Variants in GATAD1 observed in about 807,000 individuals in gnomAD.
The protein encoded by GATAD1 is GATA zinc finger domain containing 1.
GATAD1 carries 12 observed loss-of-function variants against 26.5 expected under a neutral mutation model. The observed-to-expected ratio is 0.45, with a 90% confidence interval of 0.29 to 0.73. GATAD1 has a LOEUF of 0.73. GATAD1 is among the 30% of genes least tolerant of loss of function. The probability of loss-of-function intolerance (pLI) is 0.10; values close to 1 mark genes in which losing one functional copy is unlikely to be tolerated. For missense variants in GATAD1, 266 were observed against 342.1 expected, an observed-to-expected ratio of 0.78 and a Z score of 1.75; for synonymous variants, 129 against 133.1, an observed-to-expected ratio of 0.97 and a Z score of 0.21.
At chr7:92,492,843 C>G in the GATAD1 span, 2 of 836,246 alleles carry the variant, frequency 2.4e-6, no homozygotes, top group South Asian at 2.7e-5. Flanking sequence ...TGTTTCTATA[C>G]AGTTTTACCA....
At chr7:92,474,312 C>G in the GATAD1 span, among the ~76,000 whole-genome samples, 2 of 152,178 alleles carry the variant, frequency 1.3e-5, no homozygotes, top group African/African-American at 4.8e-5. Flanking sequence ...TAAACTTACG[C>G]TTTAAGATTA....
chr7:92,449,286 G>A (rs947634812), intron 2 of GATAD1: 11 of 775,108 alleles, frequency 1.4e-5, no homozygotes, highest in Non-Finnish European at 1.7e-5. Flanking sequence ...CTCATCATTT[G>A]CATATTTATT....
Position 92,454,681 on chromosome 7 carries a change from C to A in GATAD1, c.615C>A (p.Ile205=). The change falls in exon 4 of 5, where the codon ATC becomes ATA. Residue 205 remains isoleucine (I), a synonymous_variant. Transcript: ENST00000287957. ...PRDQFDPASY[I]IGPEEDLPRK... is the part of the protein sequence containing the mutation. ...ACCAATTTGATCCCGCCTCCTATAT[C>A]ATAGGTAAGTTTGACAAATGGCACA... The A allele has an allele frequency of 6.3e-7, 1 of 1,575,720 alleles. No individual in the cohort carries two copies. Among genetic ancestry groups the A allele is most frequent in the Non-Finnish European group, 8.6e-7 (1 of 1,164,314 alleles).
chr7:92,458,550 G>A lies in GATAD1; in HGVS notation c.*1988G>A, dbSNP rs1265747110. On this transcript the variant is annotated 3_prime_UTR_variant, in exon 5 of 5. Coordinates refer to ENST00000287957, the MANE Select transcript of GATAD1 (RefSeq NM_021167.5). ...ACACGTAAAATGGGAGAGGAGTGGG[G>A]TGTACTCACTTGCCTCCTCTTTTGT... 1 of 152,184 alleles carries A rather than the reference G, an allele frequency of 6.6e-6. No homozygotes were observed. The highest frequency in any genetic ancestry group is 2.4e-5 in the African/African-American group (1 of 41,446). The allele number at this position is 152,184 out of a possible 1,614,324, so 9.4% of individuals were successfully genotyped here. A position where few individuals can be genotyped will look rare whatever the true frequency, so the allele number is the denominator to read the frequency against.
At chr7:92,484,191 AAAT>A in the GATAD1 span, among the ~76,000 whole-genome samples, 1 of 152,194 alleles carries the variant, frequency 6.6e-6, no homozygotes, top group East Asian at 1.9e-4. Context: ...TTGCAGAAGA[AAAT>A]AAGGCATTTA....
chr7:92,453,957 T>G (rs1287797123), intron 3 of GATAD1: 1 of 162,534 alleles, frequency 6.2e-6, no homozygotes, highest in Non-Finnish European at 1.3e-5. Context: ...TGGGTACATG[T>G]CATTATACAT....
At chr7:92,477,807 GC>G in the GATAD1 span, 4 of 181,156 alleles carry the variant, frequency 2.2e-5, no homozygotes, top group East Asian at 4.8e-4. Context: ...GTGGCAAACA[GC>G]AGTGGTGGAC....
At chr7:92,473,865 G>A in the GATAD1 span, among the ~76,000 whole-genome samples, 3 of 152,064 alleles carry the variant, frequency 2.0e-5, no homozygotes, top group Admixed American at 6.6e-5. Flanking sequence ...ATGGGATGGC[G>A]CTTGCCCCAG....
chr7:92,479,526 C>T, the GATAD1 span, among the ~76,000 whole-genome samples: 3,072 of 152,286 alleles, frequency 0.02, 48 homozygotes, highest in Non-Finnish European at 0.035. Context: ...TTACTTCAGG[C>T]CATCTGGATG....
chr7:92,494,640 CA>C, the GATAD1 span: 4 of 1,613,254 alleles, frequency 2.5e-6, no homozygotes, highest in African/African-American at 5.3e-5. Flanking sequence ...CTGGGAAAAA[CA>C]AACAACATTT....
At chr7:92,492,922 A>G in the GATAD1 span, 3 of 1,566,452 alleles carry the variant, frequency 1.9e-6, no homozygotes, top group Non-Finnish European at 2.6e-6. Context: ...TCACTCATAA[A>G]ATGTCATAAC....
downstream of GATAD1, among the ~76,000 whole-genome samples, chr7:92,463,783 A>G (rs1790009453): frequency 6.6e-6 from 1 of 152,184 alleles, no homozygotes; most frequent in Admixed American, 6.5e-5. Context: ...AGCCTGGCCA[A>G]CGTGGCGAAA....
At chr7:92,493,925 C>CCTGCTT in the GATAD1 span, 1 of 267,958 alleles carries the variant, frequency 3.7e-6, no homozygotes, top group Non-Finnish European at 7.2e-6. Context: ...CTCTATGAAA[C>CCTGCTT]CTGCTTACAT....
the GATAD1 span, among the ~76,000 whole-genome samples, chr7:92,475,743 T>G: frequency 6.6e-6 from 1 of 152,210 alleles, no homozygotes; most frequent in Non-Finnish European, 1.5e-5. Context: ...AACATTGCCT[T>G]TGCGCTCAGG....
the GATAD1 span, chr7:92,494,031 T>G: frequency 2.4e-6 from 1 of 414,590 alleles, no homozygotes. Flanking sequence ...TGTGAAAATA[T>G]AATACATTAG....
chr7:92,447,990 C>G lies in GATAD1; in HGVS notation c.249+12C>G. On this transcript the variant is annotated intron_variant, in intron 1 of 4. Coordinates refer to ENST00000287957, the MANE Select transcript of GATAD1 (RefSeq NM_021167.5). ...GGGGCGGCAAGCAGGTGAGCTCCTC[C>G]GGCCCCTCCCGCCGGCGGAGGCCGA... is the stretch of plus-strand genomic sequence containing the variant. The G allele has an allele frequency of 8.2e-7, 1 of 1,213,556 alleles. No homozygotes were observed. The highest frequency in any genetic ancestry group is 4.4e-5 in the Admixed American group (1 of 22,970). 75.2% of individuals were successfully genotyped at this position (1,213,556 alleles called of 1,614,324 possible).
the GATAD1 span, chr7:92,472,611 G>T: frequency 6.6e-6 from 1 of 152,226 alleles, no homozygotes; most frequent in African/African-American, 2.4e-5. Context: ...TACTAAATGG[G>T]TATTGGCTTT....
downstream of GATAD1, among the ~76,000 whole-genome samples, chr7:92,462,736 A>G (rs1450985006): frequency 6.6e-6 from 1 of 152,214 alleles, no homozygotes; most frequent in Non-Finnish European, 1.5e-5. Flanking sequence ...TGGAGCCCGC[A>G]TAGTGGAATT....
chr7:92,477,793 G>T, the GATAD1 span: 1 of 181,514 alleles, frequency 5.5e-6, no homozygotes, highest in South Asian at 1.5e-4. Context: ...GCAGGTCTGC[G>T]GTGGTGGCAA....
Sources: allele counts gnomAD v4.1 joint callset (sites outside exome capture counted in the v4.1 genomes callset), GRCh38; gene constraint gnomAD v4.1.1; transcripts MANE v1.5; gene names NCBI Gene and HGNC (gene_info 2026-07-23, HGNC 2026-07-21).